MGAT4C: variants seen among roughly 807,000 people sequenced by gnomAD.
MGAT4C encodes the protein alpha-1,3-mannosyl-glycoprotein 4-beta-N-acetylglucosaminyltransferase C.
In MGAT4C, 19 loss-of-function variants were observed where a neutral mutation model predicts 40.1. That is an observed-to-expected ratio of 0.47 (90% confidence interval 0.33 to 0.70). The LOEUF (loss-of-function observed/expected upper bound fraction) is 0.70. Ranked by LOEUF, MGAT4C falls within the 30% of genes least tolerant of loss-of-function variation. The pLI, the probability that MGAT4C is intolerant of heterozygous loss-of-function variation, is 0.02. For synonymous variants in MGAT4C, 181 were observed against 187.1 expected (o/e 0.97, Z 0.27); for missense variants, 491 against 563.2 (o/e 0.87, Z 1.30).
intron 2 of MGAT4C, among the ~76,000 whole-genome samples, chr12:86,669,450 TC>T (rs1290945649): frequency 6.6e-6 from 1 of 152,192 alleles, no homozygotes; most frequent in Non-Finnish European, 1.5e-5. Context: ...CCCTCCCTGC[TC>T]CATGTCCAGG....
chr12:86,737,016 A>T (rs61095979), intron 1 of MGAT4C, among the ~76,000 whole-genome samples: 25,712 of 113,446 alleles, frequency 0.23, 2,297 homozygotes, highest in East Asian at 0.39. Flanking sequence ...CAATTCTATA[A>T]AAAAAAAAAA....
At chr12:86,765,258 G>A (rs1196887693) in intron 1 of MGAT4C, among the ~76,000 whole-genome samples, 1 of 152,190 alleles carries the variant, frequency 6.6e-6, no homozygotes, top group Non-Finnish European at 1.5e-5. Context: ...CTGGAAGAAA[G>A]GGTACCAGTG....
intron 1 of MGAT4C, among the ~76,000 whole-genome samples, chr12:86,091,449 A>G (rs1872866951): frequency 6.6e-6 from 1 of 152,044 alleles, no homozygotes; most frequent in Non-Finnish European, 1.5e-5. Context: ...CCAAATACAA[A>G]AGAAAGCAGA....
intron 2 of MGAT4C, among the ~76,000 whole-genome samples, chr12:86,493,133 A>G (rs555193617): frequency 6.0e-5 from 9 of 150,794 alleles, no homozygotes; most frequent in Non-Finnish European, 1.0e-4. Flanking sequence ...CGATCATTAA[A>G]AAGTCAGGAA....
intron 2 of MGAT4C, among the ~76,000 whole-genome samples, chr12:86,641,719 C>T (rs976480589): frequency 6.6e-6 from 1 of 151,530 alleles, no homozygotes; most frequent in Non-Finnish European, 1.5e-5. Flanking sequence ...TGTGTGATAA[C>T]AGCAAATTAA....
intron 4 of MGAT4C, among the ~76,000 whole-genome samples, chr12:86,330,957 T>G (rs1319583539): frequency 6.6e-6 from 1 of 152,132 alleles, no homozygotes; most frequent in African/African-American, 2.4e-5. Context: ...TCCCTATACA[T>G]GTATATATAT....
chr12:86,419,901 A>T (rs1450181118), intron 3 of MGAT4C, among the ~76,000 whole-genome samples: 31 of 152,314 alleles, frequency 2.0e-4, no homozygotes, highest in Admixed American at 2.0e-3. Flanking sequence ...GTTATGTGTT[A>T]AGTGCAGCAG....
At chr12:85,987,467 C>T (rs751414038) in intron 3 of MGAT4C, among the ~76,000 whole-genome samples, 87 of 152,190 alleles carry the variant, frequency 5.7e-4, no homozygotes, top group Non-Finnish European at 7.8e-4. Flanking sequence ...AAGAAGCAAT[C>T]TGTTTTCTGC....
At chr12:86,597,518 C>G (rs75338922) in intron 2 of MGAT4C, among the ~76,000 whole-genome samples, 1 of 152,200 alleles carries the variant, frequency 6.6e-6, no homozygotes, top group Non-Finnish European at 1.5e-5. Flanking sequence ...ATCATGTAGA[C>G]TCTGTTAAAA....
chr12:86,785,790 GTAATA>G (rs1461896982), intron 1 of MGAT4C, among the ~76,000 whole-genome samples: 2 of 151,164 alleles, frequency 1.3e-5, no homozygotes, highest in African/African-American at 2.4e-5. Flanking sequence ...ATAATATAAT[GTAATA>G]TAATATAACA....
intron 1 of MGAT4C, among the ~76,000 whole-genome samples, chr12:86,100,061 C>G (rs1048537162): frequency 7.0e-6 from 1 of 143,582 alleles, no homozygotes; most frequent in Non-Finnish European, 1.5e-5. Flanking sequence ...CTATTAAATT[C>G]GAATAGCATT....
chr12:86,212,755 A>G (rs1421721751), intron 1 of MGAT4C, among the ~76,000 whole-genome samples: 20 of 131,646 alleles, frequency 1.5e-4, no homozygotes, highest in Admixed American at 3.9e-4. Flanking sequence ...AGCCGGGCGT[A>G]GTGGCGGTCG....
At chr12:86,257,510 A>G (rs1952556165), upstream of MGAT4C, among the ~76,000 whole-genome samples, 1 of 152,196 alleles carries the variant, frequency 6.6e-6, no homozygotes, top group Admixed American at 6.5e-5. Flanking sequence ...AAGGAAATTC[A>G]CTTCAACCAC....
At chr12:86,677,706 G>A (rs969676739) in intron 2 of MGAT4C, among the ~76,000 whole-genome samples, 6 of 152,044 alleles carry the variant, frequency 3.9e-5, no homozygotes, top group Admixed American at 2.0e-4. Context: ...GGTAAAACGA[G>A]TTAATGGGTT....
intron 3 of MGAT4C, among the ~76,000 whole-genome samples, chr12:86,341,578 G>A (rs1040450949): frequency 1.3e-5 from 2 of 152,200 alleles, no homozygotes; most frequent in African/African-American, 4.8e-5. Flanking sequence ...ATTACAATCA[G>A]CTACCAGTAG....
intron 2 of MGAT4C, among the ~76,000 whole-genome samples, chr12:86,588,855 G>A (rs1318127335): frequency 3.3e-5 from 5 of 151,522 alleles, no homozygotes; most frequent in Non-Finnish European, 7.4e-5. Context: ...TGAAACCAAC[G>A]AGAACAAAGA....
chr12:86,243,676 G>A (rs1034799062), intron 1 of MGAT4C, among the ~76,000 whole-genome samples: 1 of 152,058 alleles, frequency 6.6e-6, no homozygotes, highest in Non-Finnish European at 1.5e-5. Context: ...GGAAAACAGG[G>A]ACTTCCATCC....
intron 3 of MGAT4C, among the ~76,000 whole-genome samples, chr12:86,378,483 T>C (rs1181259913): frequency 6.6e-6 from 1 of 152,188 alleles, no homozygotes; most frequent in Non-Finnish European, 1.5e-5. Flanking sequence ...TGTAAATTCA[T>C]ATCCGTGAGT....
Position 86,509,304 on chromosome 12 carries a change from T to C in MGAT4C, c.-228-74039A>G, listed in dbSNP as rs541045174. On this transcript the variant is annotated intron_variant, in intron 2 of 7. Coordinates refer to the MGAT4C transcript ENST00000548651. ...GGCTAGCCAGTTTTCCCAGCACCAT[T>C]TATTTAATAGGGAATCCTTTCCCCA... 1.1e-4 allele frequency among the ~76,000 whole-genome samples: 16 copies of C among 152,294 alleles called. No individual in the cohort carries two copies. In the East Asian group the frequency reaches 2.5e-3, roughly 24 times the overall value.
Sources: gnomAD v4.1 joint callset for allele counts (sites outside exome capture counted in the v4.1 genomes callset) on GRCh38, gnomAD v4.1.1 for gene constraint, MANE v1.5 for transcripts, NCBI Gene and HGNC (gene_info 2026-07-23, HGNC 2026-07-21) for gene names.